The following RALGDS variants were observed in gnomAD, a reference collection of about 807,000 sequenced individuals.
RALGDS encodes the protein ral guanine nucleotide dissociation stimulator, also known as ral guanine nucleotide exchange factor.
RALGDS carries 44 observed loss-of-function variants against 99.8 expected under a neutral mutation model. That is an observed-to-expected ratio of 0.44 (90% CI 0.35 to 0.57). The LOEUF is 0.57. RALGDS is among the 20% of genes least tolerant of loss of function. RALGDS has a pLI of 0.01. For synonymous variants in RALGDS, 529 were observed against 505.0 expected, an observed-to-expected ratio of 1.05 and a Z score of -0.64; for missense variants, 1,022 against 1,203.1, an observed-to-expected ratio of 0.85 and a Z score of 2.23.
upstream of RALGDS, chr9:133,131,302 G>A (rs1429768707): frequency 4.2e-5 from 8 of 192,722 alleles, no homozygotes; most frequent in African/African-American, 1.9e-4. Flanking sequence ...GGCTGGGGTG[G>A]GGGAGCATCA....
Position 133,130,951 on chromosome 9 carries a change from C to A in RALGDS, c.132+1G>T. ...GCCAAGAGTCTCAGCTACTTCCTTA[C>A]CTTCCTGGGAACCTGGCCGGGTGGA... is the stretch of plus-strand genomic sequence containing the variant. On this transcript the variant is annotated splice_donor_variant, in intron 1 of 17. Coordinates refer to the RALGDS transcript ENST00000372062. LOFTEE classifies it high-confidence loss of function. 6.5e-7 allele frequency: 1 copy of A among 1,534,814 alleles called. No homozygotes were observed. Among genetic ancestry groups the A allele is most frequent in the Non-Finnish European group, 8.7e-7 (1 of 1,146,060 alleles).
In RALGDS at chr9:133,110,561, C is replaced by G; in HGVS notation, c.295-72G>C. ...ATCTCCTGGAGCTCAGATGGAACCC[C>G]GAGCCCTCAGCAGCTTGTGGCAAGA... On this transcript the variant is annotated intron_variant, in intron 2 of 17. Coordinates refer to ENST00000372050, the MANE Select transcript of RALGDS (RefSeq NM_006266.4). 4 of 1,371,748 alleles carry G rather than the reference C, an allele frequency of 2.9e-6. No homozygotes were observed. In the South Asian group the frequency reaches 3.5e-5, roughly 12 times the overall value. The allele number at this position is 1,371,748 out of a possible 1,614,324, so 85.0% of individuals were successfully genotyped here. A position where few individuals can be genotyped will look rare whatever the true frequency, so the allele number is the denominator to read the frequency against.
In RALGDS at chr9:133,107,172, G is replaced by A. The variant is rs1831107190; in HGVS notation, c.1326C>T (p.Asn442=). The change falls in exon 7 of 18, where the codon AAC becomes AAT. Residue 442 remains asparagine (N), a synonymous_variant. Transcript: ENST00000372050. ...TCCCGAGGCAGGTGGTGATGACACAGTTGGCCACACTGTTGAACTGGGTGA... is the reference window on the plus strand; with the variant it reads ...TCCCGAGGCAGGTGGTGATGACACAATTGGCCACACTGTTGAACTGGGTGA... ...ATVTQFNSVA[N]CVITTCLGNR... 6.2e-7 allele frequency: 1 copy of A among 1,613,660 alleles called. No individual in the cohort carries two copies. The highest frequency in any genetic ancestry group is 1.3e-5 in the African/African-American group (1 of 74,960).
chr9:133,104,386 C>T, intron 9 of RALGDS, 55 bp from the exon 10 acceptor site: 2 of 1,496,596 alleles, frequency 1.3e-6, no homozygotes, highest in Non-Finnish European at 1.9e-6. Context: ...CCCTCAGGCA[C>T]CCTGACCTGG....
chr9:133,131,086 G>A, exon 1 of RALGDS: 1 of 1,473,074 alleles, frequency 6.8e-7, no homozygotes, highest in Non-Finnish European at 8.9e-7. Flanking sequence ...AGGCACATCA[G>A]GCCCTGGGGC....
Position 133,098,729 on chromosome 9 carries a change from T to C in RALGDS, c.2603A>G (p.Tyr868Cys). Residue 868 changes from tyrosine (Y) to cysteine (C), a missense_variant, in exon 18 of 18, where the codon TAT becomes TGT. Coordinates refer to ENST00000372050, the MANE Select transcript of RALGDS (RefSeq NM_006266.4). The stretch of plus-strand genomic sequence containing the variant: ...ATAGTTGGCGGTAGAGTTCATGGCA[T>C]AGAAGACGTTGGCGTTTTCAGGGAT... ...LKIPENANVF[Y>C]AMNSTANYDF... 3 of 1,614,034 alleles carry C rather than the reference T, an allele frequency of 1.9e-6. No homozygotes were observed. Among genetic ancestry groups the C allele is most frequent in the Middle Eastern group, 1.6e-4 (1 of 6,062 alleles).
At chr9:133,124,299 C>T (rs1025337115), upstream of RALGDS, among the ~76,000 whole-genome samples, 3 of 151,560 alleles carry the variant, frequency 2.0e-5, no homozygotes, top group Non-Finnish European at 2.9e-5. Context: ...CATTTAGAGA[C>T]GGAGACACAC....
chr9:133,103,920 GCTGGGGGACCT>G, intron 10 of RALGDS, 87 bp from the exon 11 acceptor site: 1 of 1,339,906 alleles, frequency 7.5e-7, no homozygotes, highest in South Asian at 1.2e-5. Flanking sequence ...ACTTGGAACA[GCTGGGGGACCT>G]CTGGGGGCCT....
chr9:133,125,719 A>C (rs553084342), upstream of RALGDS, among the ~76,000 whole-genome samples: 1 of 152,210 alleles, frequency 6.6e-6, no homozygotes, highest in East Asian at 1.9e-4. Flanking sequence ...CTGGGCGACA[A>C]AGCAAGACTC....
intron 17 of RALGDS, 111 bp from the exon 18 acceptor site, chr9:133,098,873 C>T: frequency 9.3e-7 from 1 of 1,074,046 alleles, no homozygotes; most frequent in Non-Finnish European, 1.4e-6. Context: ...GACCTCAGAT[C>T]CCCTCCAATA....
intron 1 of RALGDS, among the ~76,000 whole-genome samples, chr9:133,143,523 G>A (rs1462954666): frequency 1.3e-5 from 2 of 152,174 alleles, no homozygotes; most frequent in South Asian, 2.1e-4. Context: ...GGGAGGCCGA[G>A]GCGGGGGGAA....
rs756407928 is a variant in RALGDS at position 133,106,023 on chromosome 9, G to A, written c.1518-7C>T. ...AAAGATCCGGAAACTGTCCCTGTCAGAAGGGCAAAGAAGGAAAGAGAAAGC... is the reference window on the plus strand; with the variant it reads ...AAAGATCCGGAAACTGTCCCTGTCAAAAGGGCAAAGAAGGAAAGAGAAAGC... On this transcript the variant is annotated splice_region_variant and splice_polypyrimidine_tract_variant and intron_variant, in intron 8 of 17. Transcript: ENST00000372050. 5 of 1,603,598 alleles carry A rather than the reference G, an allele frequency of 3.1e-6. No homozygotes were observed. The South Asian group carries it at 4.4e-5, about 14-fold the overall frequency.
intron 3 of RALGDS, among the ~76,000 whole-genome samples, chr9:133,109,933 A>G (rs761759492): frequency 3.9e-5 from 6 of 152,140 alleles, no homozygotes; most frequent in Non-Finnish European, 7.4e-5. Context: ...GGTCCCTCCA[A>G]CAGCCCCCAG....
rs1831030691 is a variant in RALGDS at position 133,105,923 on chromosome 9, C to T, written c.1602+9G>A. On this transcript the variant is annotated intron_variant, in intron 9 of 17. Transcript: ENST00000372050. ...CCCCAGCCCCCGCCCCAGCCTGCCGCCACTCCACCTTGATGAGCAGCTCCC... is the reference window on the plus strand; with the variant it reads ...CCCCAGCCCCCGCCCCAGCCTGCCGTCACTCCACCTTGATGAGCAGCTCCC... The T allele has an allele frequency of 1.3e-6, 2 of 1,491,334 alleles. No individual in the cohort carries two copies. The highest frequency in any genetic ancestry group is 1.8e-6 in the Non-Finnish European group (2 of 1,100,992). The allele number at this position is 1,491,334 out of a possible 1,614,324, so 92.4% of individuals were successfully genotyped here.
chr9:133,143,044 CAG>C (rs1324567593), intron 1 of RALGDS, among the ~76,000 whole-genome samples: 1 of 152,216 alleles, frequency 6.6e-6, no homozygotes, highest in Non-Finnish European at 1.5e-5. Flanking sequence ...GAGTGCTGAG[CAG>C]ATACAAGGGA....
chr9:133,133,819 C>T (rs902328176), upstream of RALGDS, among the ~76,000 whole-genome samples: 1 of 152,222 alleles, frequency 6.6e-6, no homozygotes, highest in African/African-American at 2.4e-5. Context: ...CAAAACCCAA[C>T]CCACAGGCAC....
chr9:133,141,714 C>G (rs772051621), intron 1 of RALGDS, among the ~76,000 whole-genome samples: 78 of 152,200 alleles, frequency 5.1e-4, no homozygotes, highest in Non-Finnish European at 9.3e-4. Context: ...GCCCCAAGGC[C>G]CCAGTAGGTG....
At chr9:133,148,852 G>T in intron 1 of RALGDS, 2 of 1,367,016 alleles carry the variant, frequency 1.5e-6, no homozygotes, top group Non-Finnish European at 2.0e-6. Context: ...CTGCGTAAGC[G>T]CACGCTCAGC....
intron 1 of RALGDS, among the ~76,000 whole-genome samples, chr9:133,139,480 G>A (rs959199089): frequency 1.3e-5 from 2 of 152,158 alleles, no homozygotes; most frequent in African/African-American, 2.4e-5. Flanking sequence ...ACCCCCAGCT[G>A]TCACCTCCCC....
Sources: allele counts gnomAD v4.1 joint callset (sites outside exome capture counted in the v4.1 genomes callset), GRCh38; gene constraint gnomAD v4.1.1; transcripts MANE v1.5; gene names NCBI Gene and HGNC (gene_info 2026-07-23, HGNC 2026-07-21).